The following DST variants were observed in gnomAD, a reference collection of about 807,000 sequenced individuals.
The protein encoded by DST is dystonin.
A neutral mutation model predicts 875.2 loss-of-function variants in DST; 253 were observed. The observed-to-expected ratio is 0.29, with a 90% CI of 0.26 to 0.32. The LOEUF (loss-of-function observed/expected upper bound fraction) is 0.32. Among genes scored for constraint, DST ranks in the 10% least tolerant of loss-of-function variants. The probability of loss-of-function intolerance (pLI) is 1.00; values close to 1 mark genes in which losing one functional copy is unlikely to be tolerated. For synonymous variants in DST, 3,124 were observed against 3,197.1 expected, an observed-to-expected ratio of 0.98 and a Z score of 0.77; for missense variants, 8,287 against 9,111.6, an observed-to-expected ratio of 0.91 and a Z score of 3.68.
Position 56,605,433 on chromosome 6 carries a change from T to G in DST, c.9195A>C (p.Leu3065=). The part of the protein sequence containing the change: ...LGEGEVLVEG[L]VEEENRHLKL... ...TGAGATGCCTATTTTCTTCTTCTAC[T>G]AGACCTTCTACAAGCACTTCTCCTT... Residue 3065 remains leucine, a synonymous_variant, in exon 40 of 104, where the codon CTA becomes CTC. Coordinates refer to ENST00000680361, the MANE Select transcript of DST (RefSeq NM_001374736.1). The G allele has an allele frequency of 6.2e-7, 1 of 1,612,962 alleles. No individual in the cohort carries two copies.
At chr6:56,574,383 C>T (rs993443274) in intron 50 of DST, among the ~76,000 whole-genome samples, 1 of 152,132 alleles carries the variant, frequency 6.6e-6, no homozygotes, top group African/African-American at 2.4e-5. Flanking sequence ...CCCTATCTCC[C>T]TCCTTCATAC....
intron 2 of DST, among the ~76,000 whole-genome samples, chr6:56,910,074 C>G (rs967189139): frequency 2.0e-5 from 3 of 152,170 alleles, no homozygotes; most frequent in African/African-American, 7.2e-5. Flanking sequence ...TTTCTAATAA[C>G]TAGTCATTGT....
intron 4 of DST, among the ~76,000 whole-genome samples, chr6:56,777,183 G>A (rs1395356092): frequency 6.6e-6 from 1 of 152,056 alleles, no homozygotes; most frequent in South Asian, 2.1e-4. Flanking sequence ...GGAAGTACAA[G>A]ACATTTATGT....
chr6:56,838,193 C>A (rs1388988607), intron 4 of DST, among the ~76,000 whole-genome samples: 1 of 152,194 alleles, frequency 6.6e-6, no homozygotes, highest in Non-Finnish European at 1.5e-5. Flanking sequence ...CCCAATTAGT[C>A]CACCAGGTCA....
chr6:56,821,471 G>A (rs2099772997), intron 4 of DST, among the ~76,000 whole-genome samples: 1 of 152,126 alleles, frequency 6.6e-6, no homozygotes, highest in Non-Finnish European at 1.5e-5. Flanking sequence ...ACTTTCTCTG[G>A]GCAGCATGAT....
At chr6:56,675,591 C>T (rs752354602) in intron 9 of DST, among the ~76,000 whole-genome samples, 2 of 152,196 alleles carry the variant, frequency 1.3e-5, no homozygotes, top group South Asian at 2.1e-4. Context: ...TGGTGGCTCA[C>T]GCCTGTAATC....
rs1421080091 is a variant in DST at position 56,608,239 on chromosome 6, A to C, written c.6389T>G (p.Ile2130Arg). 1 of 1,613,582 alleles carries C rather than the reference A, an allele frequency of 6.2e-7. No individual in the cohort carries two copies. The highest frequency in any genetic ancestry group is 8.5e-7 in the Non-Finnish European group (1 of 1,179,766). ...TAAAATTGATGCTGTGTTGTTGTCT[A>C]TAATTCCTAGCTGTTTAGCAGCATC... ...GLDAAKQLGI[I>R]DNNTASILKN... The change falls in exon 40 of 104, where the codon ATA becomes AGA. Residue 2130 changes from isoleucine to arginine, a missense_variant. By Grantham distance (97) the Ile-to-Arg change is moderately conservative. Transcript: ENST00000680361.
chr6:56,721,013 G>A (rs1002181320), intron 5 of DST, among the ~76,000 whole-genome samples: 15 of 140,776 alleles, frequency 1.1e-4, no homozygotes, highest in Admixed American at 9.4e-4. Context: ...CGGCTGCCGG[G>A]CGGGGGCAGC....
chr6:56,922,970 C>T lies in DST; in HGVS notation c.217-22349G>A, dbSNP rs182649767. On this transcript the variant is annotated intron_variant, in intron 2 of 103. Transcript: ENST00000680361. ...CTAGATTCATGTAAAGATCCTAGCA[C>T]AATCTAAAAACAAAACTTGATAAAC... Among the ~76,000 whole-genome samples the T allele has an allele frequency of 3.3e-5, 5 of 152,108 alleles. No homozygotes were observed. The East Asian group carries it at 9.7e-4, about 29-fold the overall frequency.
At chr6:56,793,900 G>T (rs933761281) in intron 4 of DST, among the ~76,000 whole-genome samples, 1 of 152,054 alleles carries the variant, frequency 6.6e-6, no homozygotes, top group Non-Finnish European at 1.5e-5. Flanking sequence ...ATGTGACATC[G>T]CTGAGGTATA....
chr6:56,903,925 A>G (rs1429681955), intron 2 of DST, among the ~76,000 whole-genome samples: 1 of 152,228 alleles, frequency 6.6e-6, no homozygotes, highest in African/African-American at 2.4e-5. Context: ...TATACTACAC[A>G]GACTCTGCAG....
intron 72 of DST, among the ~76,000 whole-genome samples, chr6:56,514,490 A>G (rs953481374): frequency 1.3e-5 from 2 of 151,798 alleles, no homozygotes; most frequent in African/African-American, 4.8e-5. Flanking sequence ...ACATATTCCA[A>G]ACAATGATGT....
intron 5 of DST, among the ~76,000 whole-genome samples, chr6:56,722,921 A>C (rs2099428300): frequency 6.6e-6 from 1 of 152,216 alleles, no homozygotes. Context: ...CCTTCAACTC[A>C]TTTTCTGTCT....
chr6:56,772,443 ACT>A (rs1426755766), intron 4 of DST, among the ~76,000 whole-genome samples: 1 of 151,938 alleles, frequency 6.6e-6, no homozygotes, highest in African/African-American at 2.4e-5. Context: ...CTGCAAGCTA[ACT>A]CTCTTCGATC....
At chr6:56,794,182 T>C (rs1195919448) in intron 4 of DST, among the ~76,000 whole-genome samples, 1 of 152,230 alleles carries the variant, frequency 6.6e-6, no homozygotes, top group Non-Finnish European at 1.5e-5. Context: ...GCAGACATTA[T>C]ACACACCAAG....
At position 56,620,182 on chromosome 6, in the gene DST, C is replaced by T. The variant is rs772290241; in HGVS notation, c.4929+4348G>A. On this transcript the variant is annotated intron_variant, in intron 36 of 103. Transcript: ENST00000680361. ...GCTTTATCAGCTTCAAGAGTTCTTC[C>T]TCATTGTCTCTCTTTCTTCTTAATT... 19 of 1,613,408 alleles carry T rather than the reference C, an allele frequency of 1.2e-5. No individual in the cohort carries two copies. The Admixed American group carries it at 2.0e-4, about 17-fold the overall frequency.
At chr6:56,785,470 G>C (rs934148992) in intron 4 of DST, among the ~76,000 whole-genome samples, 1 of 152,164 alleles carries the variant, frequency 6.6e-6, no homozygotes, top group Non-Finnish European at 1.5e-5. Flanking sequence ...TCAGACTGCT[G>C]TGCTAGCAAT....
intron 2 of DST, among the ~76,000 whole-genome samples, chr6:56,905,547 T>G (rs1469032985): frequency 6.6e-6 from 1 of 152,234 alleles, no homozygotes; most frequent in African/African-American, 2.4e-5. Context: ...CCTAACATAA[T>G]GTTCTCCAGG....
chr6:56,673,594 A>G (rs58565063), intron 9 of DST, among the ~76,000 whole-genome samples: 21,432 of 152,252 alleles, frequency 0.14, 3,508 homozygotes, highest in African/African-American at 0.4. Flanking sequence ...GTCTGAAAAT[A>G]GCCTAAATGT....
Sources: allele counts gnomAD v4.1 joint callset (sites outside exome capture counted in the v4.1 genomes callset), GRCh38; gene constraint gnomAD v4.1.1; transcripts MANE v1.5; gene names NCBI Gene and HGNC (gene_info 2026-07-23, HGNC 2026-07-21).